Variants in CDH2 observed in about 807,000 individuals in gnomAD.
CDH2 encodes the protein cadherin 2.
A neutral mutation model predicts 92.0 loss-of-function variants in CDH2; 17 were observed. The ratio of observed to expected loss-of-function variants is 0.18; its 90% CI spans 0.13 to 0.28. The LOEUF is 0.28. CDH2 is among the 10% of genes least tolerant of loss of function. CDH2 has a pLI of 1.00. For missense variants in CDH2, 862 were observed against 1,133.1 expected, an observed-to-expected ratio of 0.76 and a Z score of 3.44; for synonymous variants, 419 against 415.9, an observed-to-expected ratio of 1.01 and a Z score of -0.09.
At chr18:28,037,416 C>T (rs1052292041) in intron 2 of CDH2, among the ~76,000 whole-genome samples, 13 of 152,094 alleles carry the variant, frequency 8.5e-5, no homozygotes, top group Non-Finnish European at 1.8e-4. Flanking sequence ...TTTTAAACAT[C>T]CCCCTTTTAA....
intron 1 of CDH2, among the ~76,000 whole-genome samples, chr18:28,162,617 T>C (rs1348331686): frequency 6.6e-6 from 1 of 152,218 alleles, no homozygotes; most frequent in East Asian, 1.9e-4. Flanking sequence ...AAATCCTCAT[T>C]CTAAAGTCCA....
At chr18:27,933,393 T>C (rs1447176149) in intron 6 of CDH2, among the ~76,000 whole-genome samples, 1 of 152,196 alleles carries the variant, frequency 6.6e-6, no homozygotes, top group African/African-American at 2.4e-5. Context: ...ACTATTCATC[T>C]ATAAAATGTA....
At chr18:27,947,469 ATAAT>A (rs1297952998), downstream of CDH2, among the ~76,000 whole-genome samples, 9 of 151,868 alleles carry the variant, frequency 5.9e-5, no homozygotes, top group African/African-American at 2.2e-4. Context: ...ACTTCACAAA[ATAAT>A]TCTACAATTT....
At chr18:28,049,311 G>A (rs1196592482) in intron 2 of CDH2, among the ~76,000 whole-genome samples, 5 of 152,174 alleles carry the variant, frequency 3.3e-5, no homozygotes, top group East Asian at 1.9e-4. Context: ...TACTATGTGC[G>A]CCAAAATAAC....
At chr18:28,164,473 G>A (rs756466510) in intron 1 of CDH2, among the ~76,000 whole-genome samples, 7 of 152,098 alleles carry the variant, frequency 4.6e-5, no homozygotes, top group African/African-American at 1.2e-4. Flanking sequence ...GCATCTAATC[G>A]TCAATAAACC....
chr18:27,991,472 G>A (rs939179414), intron 9 of CDH2, among the ~76,000 whole-genome samples: 1 of 152,138 alleles, frequency 6.6e-6, no homozygotes, highest in African/African-American at 2.4e-5. Flanking sequence ...GCAATATTTA[G>A]AGTGATTTCA....
At position 28,124,796 on chromosome 18, in the gene CDH2, T is replaced by C. The variant is rs143806783; in HGVS notation, c.172+22877A>G. On this transcript the variant is annotated intron_variant, in intron 2 of 15. Transcript: ENST00000269141. ...GCTTGAATGCAATCCAAATATGGGTTTGGCCACTAAATAGCTGTACAGTGT... is the reference window on the plus strand; with the variant it reads ...GCTTGAATGCAATCCAAATATGGGTCTGGCCACTAAATAGCTGTACAGTGT... Among the ~76,000 whole-genome samples the C allele has an allele frequency of 4.1e-3, 621 of 152,296 alleles. 7 individuals are homozygous for C. Among genetic ancestry groups the C allele is most frequent in the African/African-American group, 0.014 (602 of 41,562 alleles).
chr18:28,092,920 C>G (rs1048556016), intron 2 of CDH2, among the ~76,000 whole-genome samples: 2 of 152,090 alleles, frequency 1.3e-5, no homozygotes, highest in Admixed American at 1.3e-4. Flanking sequence ...ACATTTTGTG[C>G]TCTTTCAAAG....
chr18:28,043,890 A>ATT (rs67532914), intron 2 of CDH2, among the ~76,000 whole-genome samples: 3,659 of 91,034 alleles, frequency 0.04, 419 homozygotes, highest in East Asian at 0.054. Context: ...AGAATCTCGG[A>ATT]TTTTTTTTTT....
intron 2 of CDH2, among the ~76,000 whole-genome samples, chr18:28,015,542 C>T (rs2013221060): frequency 6.6e-6 from 1 of 152,098 alleles, no homozygotes; most frequent in Non-Finnish European, 1.5e-5. Context: ...TGGATCCCTG[C>T]TGATAAATCA....
intron 2 of CDH2, among the ~76,000 whole-genome samples, chr18:28,066,711 A>G (rs1294782448): frequency 6.6e-6 from 1 of 151,924 alleles, no homozygotes; most frequent in East Asian, 1.9e-4. Flanking sequence ...TTACCACTGG[A>G]TTAGATGGAA....
intron 2 of CDH2, among the ~76,000 whole-genome samples, chr18:28,143,284 C>T (rs966449177): frequency 1.3e-5 from 2 of 152,022 alleles, no homozygotes; most frequent in African/African-American, 2.4e-5. Context: ...ATCCTCTCTG[C>T]AATGTCACAG....
intron 2 of CDH2, among the ~76,000 whole-genome samples, chr18:28,133,756 A>T (rs2015815006): frequency 6.6e-6 from 1 of 152,204 alleles, no homozygotes; most frequent in Admixed American, 6.5e-5. Context: ...AAGAAGATTT[A>T]TATTTTTATA....
At chr18:28,137,764 A>G (rs2015887998) in intron 2 of CDH2, among the ~76,000 whole-genome samples, 1 of 152,096 alleles carries the variant, frequency 6.6e-6, no homozygotes, top group South Asian at 2.1e-4. Flanking sequence ...ACATTCTTAG[A>G]AATATATAAT....
intron 2 of CDH2, among the ~76,000 whole-genome samples, chr18:28,110,328 T>C (rs1193332666): frequency 2.0e-5 from 3 of 152,206 alleles, no homozygotes; most frequent in Non-Finnish European, 4.4e-5. Context: ...TTCTTGAGAA[T>C]GAACCTGAGC....
rs79924432 is a variant in CDH2, at chr18:27,977,799, A to G, written c.2349+5145T>C. On this transcript the variant is annotated intron_variant, in intron 14 of 15. Coordinates refer to ENST00000269141, the MANE Select transcript of CDH2 (RefSeq NM_001792.5). ...TTCTTTAAGACTGTCCAGCTAAGAC[A>G]TGAAGCAGATCAGACCAGCACCTCG... Among the ~76,000 whole-genome samples the G allele has an allele frequency of 2.2e-3, 342 of 152,330 alleles. 5 individuals are homozygous for G. The highest frequency in any genetic ancestry group is 0.018 in the East Asian group (95 of 5,182).
intron 2 of CDH2, among the ~76,000 whole-genome samples, chr18:28,050,219 TCAA>T (rs1233451721): frequency 6.6e-6 from 1 of 152,164 alleles, no homozygotes; most frequent in Non-Finnish European, 1.5e-5. Flanking sequence ...GAGAACAATA[TCAA>T]CAACACATCA....
chr18:28,113,017 G>A (rs1219502619), intron 2 of CDH2, among the ~76,000 whole-genome samples: 1 of 152,176 alleles, frequency 6.6e-6, no homozygotes, highest in Non-Finnish European at 1.5e-5. Flanking sequence ...GCACTGGGAA[G>A]TATGTGTGGA....
chr18:28,076,358 C>A (rs2014718675), intron 2 of CDH2, among the ~76,000 whole-genome samples: 1 of 152,116 alleles, frequency 6.6e-6, no homozygotes, highest in African/African-American at 2.4e-5. Context: ...GAGCAAGGCA[C>A]TTTACTTCAC....
Sources: gnomAD v4.1 joint callset for allele counts (sites outside exome capture counted in the v4.1 genomes callset) on GRCh38, gnomAD v4.1.1 for gene constraint, MANE v1.5 for transcripts, NCBI Gene and HGNC (gene_info 2026-07-23, HGNC 2026-07-21) for gene names.